The following NALF1 variants were observed in gnomAD, a reference collection of about 807,000 sequenced individuals.
NALF1 encodes family with sequence similarity 155 member A.
NALF1 carries 3 observed loss-of-function variants against 48.4 expected under a neutral mutation model. That is an observed-to-expected ratio of 0.06 (90% CI 0.03 to 0.16). The LOEUF is 0.16. NALF1 is among the 10% of genes least tolerant of loss of function. The probability of loss-of-function intolerance (pLI) is 1.00; values close to 1 mark genes in which losing one functional copy is unlikely to be tolerated. For missense variants in NALF1, 526 were observed against 571.5 expected (o/e 0.92, Z 0.81); for synonymous variants, 262 against 245.7 (o/e 1.07, Z -0.62).
chr13:107,507,171 C>G (rs1056624587), intron 1 of NALF1, among the ~76,000 whole-genome samples: 5 of 151,916 alleles, frequency 3.3e-5, no homozygotes, highest in African/African-American at 1.2e-4. Flanking sequence ...AATAATTATT[C>G]AGATCTGTAA....
chr13:107,180,603 TC>T (rs1879040877), intron 2 of NALF1, among the ~76,000 whole-genome samples: 1 of 151,900 alleles, frequency 6.6e-6, no homozygotes, highest in Admixed American at 6.6e-5. Flanking sequence ...GTTTTCTCAA[TC>T]TTTTTTATTA....
chr13:107,221,832 T>C (rs1041341470), intron 1 of NALF1, among the ~76,000 whole-genome samples: 2 of 152,170 alleles, frequency 1.3e-5, no homozygotes, highest in Non-Finnish European at 2.9e-5. Flanking sequence ...CTATACCAGT[T>C]ATGCAGAGGT....
intron 1 of NALF1, among the ~76,000 whole-genome samples, chr13:107,846,103 A>T (rs1223753851): frequency 6.6e-6 from 1 of 152,106 alleles, no homozygotes; most frequent in Admixed American, 6.6e-5. Flanking sequence ...ACTGCTTGTC[A>T]CACATTCCAG....
intron 1 of NALF1, among the ~76,000 whole-genome samples, chr13:107,619,200 G>A (rs1033909661): frequency 2.6e-5 from 4 of 152,198 alleles, no homozygotes; most frequent in African/African-American, 9.7e-5. Context: ...TATCACCAAT[G>A]GATTCTATTC....
At chr13:107,503,753 TTG>T (rs1019555168) in intron 1 of NALF1, among the ~76,000 whole-genome samples, 42 of 70,888 alleles carry the variant, frequency 5.9e-4, no homozygotes, top group African/African-American at 3.1e-3. Context: ...GTGTGTGTGT[TTG>T]TGTGTGTGTG....
intron 1 of NALF1, among the ~76,000 whole-genome samples, chr13:107,401,572 T>A (rs1234552640): frequency 2.0e-5 from 3 of 152,202 alleles, no homozygotes; most frequent in Non-Finnish European, 4.4e-5. Context: ...GGTTTTTCTA[T>A]GACAGGCTTT....
intron 1 of NALF1, among the ~76,000 whole-genome samples, chr13:107,343,911 CAG>C (rs1052142244): frequency 1.3e-5 from 2 of 151,830 alleles, no homozygotes; most frequent in African/African-American, 4.8e-5. Context: ...AAATTAAACA[CAG>C]AGTTTTTTTT....
chr13:107,403,777 T>C (rs1883854629), intron 1 of NALF1, among the ~76,000 whole-genome samples: 2 of 151,850 alleles, frequency 1.3e-5, no homozygotes, highest in South Asian at 2.1e-4. Flanking sequence ...TTACACACCA[T>C]TTTAGCTTTA....
chr13:107,563,587 C>T (rs758698993), intron 1 of NALF1, among the ~76,000 whole-genome samples: 4 of 152,174 alleles, frequency 2.6e-5, no homozygotes, highest in South Asian at 2.1e-4. Flanking sequence ...AAGATTGTGA[C>T]GTATCCTGCA....
In NALF1 at chr13:107,395,888, T is replaced by C. The variant is rs991203050; in HGVS notation, c.916-185133A>G. 2.0e-5 allele frequency among the ~76,000 whole-genome samples: 3 copies of C among 152,084 alleles called. No individual in the cohort carries two copies. In the East Asian group the frequency reaches 5.8e-4, roughly 29 times the overall value. On this transcript the variant is annotated intron_variant, in intron 1 of 2. Transcript: ENST00000375915. ...ATTGGATTAGAGACCATCCTAATGA[T>C]CTCGTTTTATCTTAATAACCTCTTT...
At chr13:107,326,647 T>C (rs1222598895) in intron 1 of NALF1, among the ~76,000 whole-genome samples, 3 of 152,200 alleles carry the variant, frequency 2.0e-5, no homozygotes, top group Non-Finnish European at 4.4e-5. Context: ...TTACTTTTCA[T>C]ATTAAAATGA....
At chr13:107,511,609 C>A (rs1875894036) in intron 1 of NALF1, among the ~76,000 whole-genome samples, 1 of 152,092 alleles carries the variant, frequency 6.6e-6, no homozygotes, top group Admixed American at 6.6e-5. Flanking sequence ...CATTATGAGT[C>A]AGGTAACTAT....
At chr13:107,765,807 T>A (rs1877402722) in intron 1 of NALF1, among the ~76,000 whole-genome samples, 1 of 152,174 alleles carries the variant, frequency 6.6e-6, no homozygotes, top group Non-Finnish European at 1.5e-5. Flanking sequence ...TAATAAAGGT[T>A]ACCTAGATTT....
At chr13:107,738,783 C>A (rs1876537255) in intron 1 of NALF1, among the ~76,000 whole-genome samples, 1 of 152,182 alleles carries the variant, frequency 6.6e-6, no homozygotes, top group South Asian at 2.1e-4. Flanking sequence ...TCTGCCTCAG[C>A]CTCCCGAGTA....
intron 1 of NALF1, among the ~76,000 whole-genome samples, chr13:107,223,645 C>T (rs1880039238): frequency 6.6e-6 from 1 of 152,130 alleles, no homozygotes; most frequent in Non-Finnish European, 1.5e-5. Context: ...AAAACATTTT[C>T]AAGGACAGTT....
intron 2 of NALF1, among the ~76,000 whole-genome samples, chr13:107,192,479 T>C (rs1310471954): frequency 1.3e-5 from 2 of 152,148 alleles, no homozygotes; most frequent in Non-Finnish European, 2.9e-5. Flanking sequence ...TAGAGGGTAA[T>C]TGACATTGTG....
chr13:107,812,536 A>C (rs1353804290), intron 1 of NALF1, among the ~76,000 whole-genome samples: 2 of 152,162 alleles, frequency 1.3e-5, no homozygotes, highest in Non-Finnish European at 2.9e-5. Flanking sequence ...CAAAGTTTGT[A>C]TCATAATATT....
intron 1 of NALF1, among the ~76,000 whole-genome samples, chr13:107,674,693 G>T (rs1881071058): frequency 1.3e-5 from 2 of 152,054 alleles, no homozygotes; most frequent in Admixed American, 1.3e-4. Flanking sequence ...ACAGACTAAG[G>T]CAGAGACCTG....
chr13:107,578,505 C>G (rs1245441510), intron 1 of NALF1, among the ~76,000 whole-genome samples: 5 of 152,094 alleles, frequency 3.3e-5, no homozygotes, highest in Non-Finnish European at 7.4e-5. Context: ...TGAATTCTGT[C>G]TCAAAACTTC....
Sources: gnomAD v4.1 joint callset for allele counts (sites outside exome capture counted in the v4.1 genomes callset) on GRCh38, gnomAD v4.1.1 for gene constraint, MANE v1.5 for transcripts, NCBI Gene and HGNC (gene_info 2026-07-23, HGNC 2026-07-21) for gene names.